KIAA1217: variants seen among roughly 807,000 people sequenced by gnomAD.
The protein encoded by KIAA1217 is sickle tail protein homolog.
KIAA1217 carries 88 observed loss-of-function variants against 163.9 expected under a neutral mutation model. The ratio of observed to expected loss-of-function variants is 0.54; its 90% confidence interval spans 0.45 to 0.64. The LOEUF is 0.64. Among genes scored for constraint, KIAA1217 ranks in the 30% least tolerant of loss-of-function variants. The pLI is 0.00. For missense variants in KIAA1217, 2,372 were observed against 2,475.0 expected (o/e 0.96, Z 0.88); for synonymous variants, 903 against 923.1 (o/e 0.98, Z 0.39).
At chr10:23,778,368 A>G (rs1009777511) in intron 1 of KIAA1217, among the ~76,000 whole-genome samples, 1 of 152,218 alleles carries the variant, frequency 6.6e-6, no homozygotes, top group African/African-American at 2.4e-5. Context: ...ACATAGAAAA[A>G]CATAGAGAAA....
At chr10:24,169,750 C>A (rs918848778) in intron 2 of KIAA1217, among the ~76,000 whole-genome samples, 1 of 152,110 alleles carries the variant, frequency 6.6e-6, no homozygotes, top group African/African-American at 2.4e-5. Flanking sequence ...TTCTCTTAGA[C>A]AAAGATGAGC....
intron 2 of KIAA1217, among the ~76,000 whole-genome samples, chr10:24,360,693 G>T (rs1170146926): frequency 6.6e-6 from 1 of 152,114 alleles, no homozygotes; most frequent in South Asian, 2.1e-4. Flanking sequence ...TATCATACTC[G>T]CTAGGTTCAG....
At chr10:23,994,494 A>G (rs947009309) in intron 1 of KIAA1217, among the ~76,000 whole-genome samples, 5 of 152,090 alleles carry the variant, frequency 3.3e-5, no homozygotes, top group Non-Finnish European at 7.4e-5. Context: ...TCTTTCTACT[A>G]CCCAGGTCAA....
intron 1 of KIAA1217, among the ~76,000 whole-genome samples, chr10:23,846,531 T>G (rs878873120): frequency 6.6e-6 from 1 of 152,104 alleles, no homozygotes; most frequent in Non-Finnish European, 1.5e-5. Flanking sequence ...GGCTCTCTGT[T>G]TGTCTGTTCT....
At chr10:23,856,649 G>T (rs1262603545) in intron 1 of KIAA1217, among the ~76,000 whole-genome samples, 2 of 152,262 alleles carry the variant, frequency 1.3e-5, no homozygotes, top group Non-Finnish European at 2.9e-5. Context: ...TCCTTGAGCT[G>T]TGGTGGGCAC....
intron 1 of KIAA1217, among the ~76,000 whole-genome samples, chr10:23,748,825 C>T (rs895556642): frequency 3.9e-5 from 6 of 152,230 alleles, no homozygotes; most frequent in Middle Eastern, 3.4e-3. Context: ...TTCTGTTCTT[C>T]ATGTAGTAAA....
chr10:24,098,847 G>T (rs1258377531), intron 2 of KIAA1217, among the ~76,000 whole-genome samples: 1 of 151,930 alleles, frequency 6.6e-6, no homozygotes, highest in African/African-American at 2.4e-5. Flanking sequence ...AGCTAGGCAT[G>T]GTGGTATGCA....
rs1429938025 is a variant in KIAA1217 at position 24,473,888 on chromosome 10, C to T, written c.1507C>T (p.Arg503Trp). ...HGPPHTMQPDRASPSRQAFKK... is the reference protein window; with the variant it reads ...HGPPHTMQPDWASPSRQAFKK... The stretch of plus-strand genomic sequence containing the variant: ...CCCCCCTCACACCATGCAGCCAGAC[C>T]GGGCCTCTCCGAGCCGCCAGGCCTT... The change falls in exon 6 of 21, where the codon CGG becomes TGG. Residue 503 changes from arginine (R) to tryptophan (W), a missense_variant. By Grantham distance (101) the Arg-to-Trp change is moderately radical. Around this residue, in one of 3 missense-constraint regions of KIAA1217, gnomAD observed 1,431 missense variants for 1,470.3 expected, o/e 0.97. Coordinates refer to ENST00000376454, the MANE Select transcript of KIAA1217 (RefSeq NM_019590.5). 1.3e-5 allele frequency: 21 copies of T among 1,614,022 alleles called. No homozygotes were observed. Among genetic ancestry groups the T allele is most frequent in the East Asian group, 2.2e-5 (1 of 44,874 alleles).
intron 1 of KIAA1217, among the ~76,000 whole-genome samples, chr10:23,857,795 CTATT>C (rs1458564700): frequency 1.3e-5 from 2 of 151,610 alleles, no homozygotes; most frequent in East Asian, 3.9e-4. Flanking sequence ...AAGGAGATAG[CTATT>C]TAGATTTATG....
chr10:24,096,409 C>T (rs1335776927), intron 2 of KIAA1217, among the ~76,000 whole-genome samples: 2 of 152,210 alleles, frequency 1.3e-5, no homozygotes, highest in Admixed American at 6.5e-5. Flanking sequence ...CCTATTTAGT[C>T]ACCCAGTAGG....
chr10:24,521,702 T>C, intron 11 of KIAA1217, 80 bp from the exon 12 acceptor site: 2 of 1,516,598 alleles, frequency 1.3e-6, no homozygotes, highest in Non-Finnish European at 1.8e-6. Context: ...TGCACTTCTC[T>C]GTCCAGTATC....
chr10:23,832,063 C>G (rs1442633325), intron 1 of KIAA1217, among the ~76,000 whole-genome samples: 2 of 152,124 alleles, frequency 1.3e-5, no homozygotes, highest in African/African-American at 4.8e-5. Context: ...TGCTATCTAC[C>G]TGGAGATAGT....
intron 2 of KIAA1217, among the ~76,000 whole-genome samples, chr10:24,020,141 T>C (rs1564614997): frequency 6.6e-6 from 1 of 152,102 alleles, no homozygotes; most frequent in Non-Finnish European, 1.5e-5. Flanking sequence ...ACAAAAATTA[T>C]GAAGCATTTA....
At chr10:24,156,642 CT>C (rs1554887348) in intron 2 of KIAA1217, among the ~76,000 whole-genome samples, 1 of 152,156 alleles carries the variant, frequency 6.6e-6, no homozygotes, top group Non-Finnish European at 1.5e-5. Flanking sequence ...TGATCAGACT[CT>C]TACACTCTGG....
intron 3 of KIAA1217, among the ~76,000 whole-genome samples, chr10:24,428,093 C>T (rs1301490873): frequency 6.6e-6 from 1 of 152,100 alleles, no homozygotes; most frequent in African/African-American, 2.4e-5. Context: ...ATTTCAAGCA[C>T]ACGCATGTAC....
intron 17 of KIAA1217, among the ~76,000 whole-genome samples, chr10:24,538,978 C>T (rs919737887): frequency 2.6e-5 from 4 of 151,898 alleles, no homozygotes; most frequent in Non-Finnish European, 4.4e-5. Context: ...GTGATCCACC[C>T]GCCTCAGCCT....
chr10:23,914,944 G>A (rs1437793051), intron 1 of KIAA1217, among the ~76,000 whole-genome samples: 1 of 152,102 alleles, frequency 6.6e-6, no homozygotes, highest in Non-Finnish European at 1.5e-5. Context: ...AGGTTTGAGA[G>A]TCACTAGATC....
At chr10:24,378,822 G>A (rs549423477) in intron 2 of KIAA1217, among the ~76,000 whole-genome samples, 35 of 152,276 alleles carry the variant, frequency 2.3e-4, no homozygotes, top group African/African-American at 7.9e-4. Flanking sequence ...ACAACAAAAA[G>A]AGGAGTTTAC....
At chr10:24,386,458 G>A (rs950447574) in intron 3 of KIAA1217, among the ~76,000 whole-genome samples, 1 of 152,178 alleles carries the variant, frequency 6.6e-6, no homozygotes, top group Non-Finnish European at 1.5e-5. Context: ...TTGATGAATT[G>A]TCTGTCTCTA....
Sources: gnomAD v4.1 joint callset for allele counts (sites outside exome capture counted in the v4.1 genomes callset) on GRCh38, gnomAD v4.1.1 for gene constraint, gnomAD v4.1.1 regional missense constraint, MANE v1.5 for transcripts, NCBI Gene and HGNC (gene_info 2026-07-23, HGNC 2026-07-21) for gene names.